NPAS3: variants seen among roughly 807,000 people sequenced by gnomAD.
The protein encoded by NPAS3 is neuronal PAS domain-containing protein 3.
A neutral mutation model predicts 73.1 loss-of-function variants in NPAS3; 14 were observed. That is an observed-to-expected ratio of 0.19 (90% CI 0.13 to 0.30). The LOEUF (loss-of-function observed/expected upper bound fraction) is 0.30. NPAS3 is among the 10% of genes least tolerant of loss of function. The probability of loss-of-function intolerance (pLI) is 1.00; values close to 1 mark genes in which losing one functional copy is unlikely to be tolerated. For synonymous variants in NPAS3, 620 were observed against 541.5 expected (o/e 1.14, Z -2.01); for missense variants, 1,096 against 1,250.0 (o/e 0.88, Z 1.86).
chr14:33,723,665 T>C (rs2061178997), intron 6 of NPAS3, among the ~76,000 whole-genome samples: 1 of 151,360 alleles, frequency 6.6e-6, no homozygotes, highest in South Asian at 2.1e-4. Context: ...CTGCTTCTGC[T>C]GCCACTTCCA....
chr14:33,449,173 C>A (rs2049668639), intron 4 of NPAS3, among the ~76,000 whole-genome samples: 2 of 152,036 alleles, frequency 1.3e-5, no homozygotes, highest in African/African-American at 4.8e-5. Flanking sequence ...GCACATTCAC[C>A]CGAGTGATAA....
chr14:33,497,721 G>A (rs980229952), intron 4 of NPAS3, among the ~76,000 whole-genome samples: 2 of 152,078 alleles, frequency 1.3e-5, no homozygotes, highest in African/African-American at 4.8e-5. Flanking sequence ...AGACTTAAAT[G>A]TAAGACCTAA....
chr14:32,947,234 T>C (rs541593532), intron 1 of NPAS3, among the ~76,000 whole-genome samples: 1 of 152,306 alleles, frequency 6.6e-6, no homozygotes, highest in African/African-American at 2.4e-5. Context: ...TCTCTGATTT[T>C]TCCTTTCTGC....
At chr14:33,523,067 A>G (rs528156778) in intron 4 of NPAS3, among the ~76,000 whole-genome samples, 1 of 152,306 alleles carries the variant, frequency 6.6e-6, no homozygotes, top group African/African-American at 2.4e-5. Context: ...TCAGCACTCT[A>G]AGATAGTTAG....
chr14:33,722,913 A>G (rs1007751028), intron 6 of NPAS3, among the ~76,000 whole-genome samples: 1 of 152,182 alleles, frequency 6.6e-6, no homozygotes, highest in African/African-American at 2.4e-5. Context: ...AATAAAACCA[A>G]CAAATCCTAG....
At chr14:32,941,312 C>T (rs2036004650) in intron 1 of NPAS3, among the ~76,000 whole-genome samples, 1 of 90,866 alleles carries the variant, frequency 1.1e-5, no homozygotes, top group East Asian at 3.7e-4. Flanking sequence ...TCCCTCCCTC[C>T]TTCCTTCCTT....
At chr14:33,329,396 C>T (rs2043875482) in intron 3 of NPAS3, among the ~76,000 whole-genome samples, 1 of 152,126 alleles carries the variant, frequency 6.6e-6, no homozygotes. Flanking sequence ...CTACTAGGGA[C>T]AGATGTGCTA....
intron 2 of NPAS3, among the ~76,000 whole-genome samples, chr14:33,074,339 G>A (rs890633984): frequency 1.3e-5 from 2 of 152,206 alleles, no homozygotes; most frequent in African/African-American, 2.4e-5. Context: ...GTATTTGTTA[G>A]TGAATGCTGC....
At chr14:33,456,920 G>A (rs1408112753) in intron 4 of NPAS3, among the ~76,000 whole-genome samples, 1 of 152,140 alleles carries the variant, frequency 6.6e-6, no homozygotes, top group African/African-American at 2.4e-5. Flanking sequence ...CTCAAGCAGG[G>A]GAAGGACTTC....
chr14:32,970,335 A>C (rs2139306789), intron 1 of NPAS3, among the ~76,000 whole-genome samples: 1 of 152,242 alleles, frequency 6.6e-6, no homozygotes, highest in South Asian at 2.1e-4. Flanking sequence ...TAACTTGATT[A>C]ATTTTCCAAC....
chr14:33,579,675 A>G (rs1291341590), intron 5 of NPAS3, among the ~76,000 whole-genome samples: 3 of 152,048 alleles, frequency 2.0e-5, no homozygotes, highest in Non-Finnish European at 2.9e-5. Flanking sequence ...ACCAACATGT[A>G]CTAGGCATCT....
intron 6 of NPAS3, among the ~76,000 whole-genome samples, chr14:33,688,135 T>C (rs369095320): frequency 1.5e-4 from 23 of 152,202 alleles, no homozygotes; most frequent in African/African-American, 5.5e-4. Context: ...CATGCATAAA[T>C]TGCATGTCAC....
At chr14:33,371,706 G>A (rs769029798) in intron 4 of NPAS3, among the ~76,000 whole-genome samples, 12 of 152,088 alleles carry the variant, frequency 7.9e-5, no homozygotes, top group Admixed American at 2.0e-4. Flanking sequence ...GTGTGTAAAC[G>A]CAAAGAGAAG....
At chr14:33,774,393 C>T (rs746089574) in exon 8 of NPAS3, 14 of 1,613,956 alleles carry the variant, frequency 8.7e-6, no homozygotes, top group Middle Eastern at 1.6e-4. Context: ...ACGGGAGGAC[C>T]GTCCCCAGCC....
intron 3 of NPAS3, among the ~76,000 whole-genome samples, chr14:33,296,842 C>T (rs2042321778): frequency 6.6e-6 from 1 of 152,092 alleles, no homozygotes; most frequent in African/African-American, 2.4e-5. Flanking sequence ...CTGGGAGCTA[C>T]TTATAGGTGA....
At chr14:33,331,221 G>A (rs905378211) in intron 3 of NPAS3, among the ~76,000 whole-genome samples, 2 of 152,124 alleles carry the variant, frequency 1.3e-5, no homozygotes, top group East Asian at 3.9e-4. Flanking sequence ...TTATGCATGT[G>A]AATATAATAC....
intron 6 of NPAS3, among the ~76,000 whole-genome samples, chr14:33,682,718 A>G (rs1373766421): frequency 6.6e-6 from 1 of 152,258 alleles, no homozygotes; most frequent in African/African-American, 2.4e-5. Flanking sequence ...TGCAAGGCCT[A>G]GGCATACTTA....
At chr14:33,346,527 CAAAAA>C (rs33926266) in intron 3 of NPAS3, among the ~76,000 whole-genome samples, 13 of 70,936 alleles carry the variant, frequency 1.8e-4, no homozygotes, top group African/African-American at 4.2e-4. Flanking sequence ...GACCCTGTCT[CAAAAA>C]AAAAAAAAAA....
At chr14:33,375,031 A>G (rs1470073057) in intron 4 of NPAS3, among the ~76,000 whole-genome samples, 1 of 152,094 alleles carries the variant, frequency 6.6e-6, no homozygotes, top group East Asian at 1.9e-4. Context: ...TATACATAAA[A>G]TGATCATCTC....
Sources: allele counts gnomAD v4.1 joint callset (sites outside exome capture counted in the v4.1 genomes callset), GRCh38; gene constraint gnomAD v4.1.1; transcripts MANE v1.5; gene names NCBI Gene and HGNC (gene_info 2026-07-23, HGNC 2026-07-21).